MTMR3: variants seen among roughly 807,000 people sequenced by gnomAD.
MTMR3 encodes phosphatidylinositol-3,5-bisphosphate 3-phosphatase MTMR3.
MTMR3 carries 32 observed loss-of-function variants against 132.4 expected under a neutral mutation model. The ratio of observed to expected loss-of-function variants is 0.24; its 90% CI spans 0.18 to 0.32. The LOEUF is 0.32. MTMR3 is among the 10% of genes least tolerant of loss of function. The pLI, the probability that MTMR3 is intolerant of heterozygous loss-of-function variation, is 1.00. For synonymous variants in MTMR3, 556 were observed against 550.3 expected, an observed-to-expected ratio of 1.01 and a Z score of -0.14; for missense variants, 1,216 against 1,489.6, an observed-to-expected ratio of 0.82 and a Z score of 3.02.
intron 1 of MTMR3, among the ~76,000 whole-genome samples, chr22:29,949,160 C>T (rs1248963602): frequency 2.5e-5 from 2 of 78,494 alleles, no homozygotes; most frequent in Non-Finnish European, 5.7e-5. Context: ...CCCCCCCCCC[C>T]GAGGCCCTGT....
rs181384293 is a variant in MTMR3 at position 29,900,324 on chromosome 22, T to G, written c.-138+16965T>G. 5.9e-5 allele frequency among the ~76,000 whole-genome samples: 9 copies of G among 152,306 alleles called. No homozygotes were observed. The South Asian group carries it at 1.9e-3, about 32-fold the overall frequency. On this transcript the variant is annotated intron_variant, in intron 1 of 19. Coordinates refer to ENST00000401950, the MANE Select transcript of MTMR3 (RefSeq NM_021090.4). ...TAGACTTCACTTTTTTTTGTATAAGTGGTATAATACTTAACGTTTCTTTTG... is the reference window on the plus strand; with the variant it reads ...TAGACTTCACTTTTTTTTGTATAAGGGGTATAATACTTAACGTTTCTTTTG...
chr22:29,988,115 T>A (rs2285667), intron 5 of MTMR3: 45,654 of 155,542 alleles, frequency 0.29, 7,869 homozygotes, highest in East Asian at 0.61. Flanking sequence ...CTGTTCTGGC[T>A]CCCTTCAGCT....
intron 1 of MTMR3, among the ~76,000 whole-genome samples, chr22:29,955,431 A>G (rs1311701056): frequency 6.6e-6 from 1 of 152,182 alleles, no homozygotes; most frequent in African/African-American, 2.4e-5. Flanking sequence ...AGATTTACAA[A>G]TCCCTCAACT....
chr22:29,996,913 G>A (rs2067072980), intron 7 of MTMR3: 1 of 151,984 alleles, frequency 6.6e-6, no homozygotes. Flanking sequence ...TTGTGGAGAT[G>A]GGGTTGCCCA....
At position 30,025,894 on chromosome 22, in the gene MTMR3, A is replaced by G; in HGVS notation, c.*93A>G. 7.3e-7 allele frequency: 1 copy of G among 1,374,060 alleles called. No homozygotes were observed. Among genetic ancestry groups the G allele is most frequent in the Non-Finnish European group, 1.0e-6 (1 of 976,194 alleles). 85.1% of individuals were successfully genotyped at this position (1,374,060 alleles called of 1,614,324 possible). A position where few individuals can be genotyped will look rare whatever the true frequency, so the allele number is the denominator to read the frequency against. ...GACCGAGAGGCCCGTGCACTTTGGA[A>G]TGGGAGCGTGGAACCACCTGTACAG... is the stretch of plus-strand genomic sequence containing the variant. On this transcript the variant is annotated 3_prime_UTR_variant, in exon 20 of 20. Coordinates refer to ENST00000401950, the MANE Select transcript of MTMR3 (RefSeq NM_021090.4).
At chr22:29,938,606 G>A (rs1390817238) in intron 1 of MTMR3, among the ~76,000 whole-genome samples, 1 of 152,120 alleles carries the variant, frequency 6.6e-6, no homozygotes, top group Non-Finnish European at 1.5e-5. Context: ...ACTGCTATTT[G>A]GGGACTTCCC....
At position 30,016,630 on chromosome 22, in the gene MTMR3, G is replaced by A. The variant is rs1432111074; in HGVS notation, c.1606G>A (p.Val536Met). The part of the protein sequence containing the change: ...EKHTQERTCS[V>M]WSLLRAGNKA... The stretch of plus-strand genomic sequence containing the variant: ...GCATACTCAGGAACGGACATGTTCC[G>A]TGTGGTCACTTCTTCGGGCAGGCAA... The change falls in exon 15 of 20, where the codon GTG becomes ATG. Residue 536 changes from valine (V) to methionine (M), a missense_variant. Val to Met is a conservative substitution (Grantham distance 21). This residue lies in a region of MTMR3 where 852 missense variants were observed against 852.0 expected (regional missense o/e 1.00). Coordinates refer to ENST00000401950, the MANE Select transcript of MTMR3 (RefSeq NM_021090.4). The A allele has an allele frequency of 2.5e-6, 4 of 1,614,068 alleles. No homozygotes were observed. Among genetic ancestry groups the A allele is most frequent in the Non-Finnish European group, 3.4e-6 (4 of 1,180,036 alleles).
At chr22:29,944,484 C>T (rs903240722) in intron 1 of MTMR3, among the ~76,000 whole-genome samples, 2 of 152,052 alleles carry the variant, frequency 1.3e-5, no homozygotes, top group Admixed American at 6.5e-5. Flanking sequence ...TTTCTTCCTA[C>T]CCCCACAAGA....
At chr22:29,993,191 A>G (rs927062561) in intron 7 of MTMR3, 5 of 152,196 alleles carry the variant, frequency 3.3e-5, no homozygotes, top group African/African-American at 1.2e-4. Context: ...GAGAGACCAC[A>G]CCAACCTTGG....
At chr22:29,966,537 T>A (rs373548630) in intron 2 of MTMR3, among the ~76,000 whole-genome samples, 1 of 152,202 alleles carries the variant, frequency 6.6e-6, no homozygotes, top group Non-Finnish European at 1.5e-5. Flanking sequence ...AGTTGTAAAA[T>A]AGTATTATCA....
At position 29,888,179 on chromosome 22, in the gene MTMR3, G is replaced by A. The variant is rs182923368; in HGVS notation, c.-138+4820G>A. ...TTTTATGTATGTATACTTGGTTGCC[G>A]TGTAAAATGTATTTTTTCTTTTTAA... On this transcript the variant is annotated intron_variant, in intron 1 of 19. Coordinates refer to ENST00000401950, the MANE Select transcript of MTMR3 (RefSeq NM_021090.4). 1.5e-4 allele frequency among the ~76,000 whole-genome samples: 23 copies of A among 152,160 alleles called. No homozygotes were observed. In the East Asian group the frequency reaches 3.1e-3, roughly 20 times the overall value.
chr22:29,899,918 T>TA (rs2064972306), intron 1 of MTMR3, among the ~76,000 whole-genome samples: 1 of 152,216 alleles, frequency 6.6e-6, no homozygotes, highest in African/African-American at 2.4e-5. Context: ...ATACCTCAGT[T>TA]AAAAACTTTT....
intron 1 of MTMR3, among the ~76,000 whole-genome samples, chr22:29,939,517 CA>C (rs1460939723): frequency 3.3e-5 from 5 of 152,178 alleles, no homozygotes; most frequent in African/African-American, 7.2e-5. Flanking sequence ...CTACTTTTAG[CA>C]AAAGCCATAT....
intron 1 of MTMR3, among the ~76,000 whole-genome samples, chr22:29,930,313 A>G (rs889419824): frequency 6.6e-6 from 1 of 152,166 alleles, no homozygotes; most frequent in Non-Finnish European, 1.5e-5. Flanking sequence ...TCATATCTCC[A>G]TCACTATAGG....
At chr22:29,985,763 A>T (rs115295458) in intron 5 of MTMR3, 3 of 152,192 alleles carry the variant, frequency 2.0e-5, no homozygotes, top group African/African-American at 7.2e-5. Context: ...TCTGATTTCA[A>T]TGCATAGAAC....
chr22:29,902,718 A>G (rs1248467128), intron 1 of MTMR3, among the ~76,000 whole-genome samples: 1 of 152,158 alleles, frequency 6.6e-6, no homozygotes, highest in Non-Finnish European at 1.5e-5. Flanking sequence ...TTAGCACTAC[A>G]GAATTCCTTT....
At chr22:29,972,352 G>A (rs187781578) in intron 3 of MTMR3, among the ~76,000 whole-genome samples, 12 of 152,260 alleles carry the variant, frequency 7.9e-5, no homozygotes, top group African/African-American at 2.6e-4. Flanking sequence ...TCCTGGTGCT[G>A]CTGGGTTCTC....
At position 29,896,869 on chromosome 22, in the gene MTMR3, T is replaced by TCACACACACACACACACACACACA. The variant is rs61038012; in HGVS notation, c.-138+13521_-138+13544dup. ...TATAGTACAGAATAACAGGCTTGTC[T>TCACACACACACACACACACACACA]CACACACACACACACACACACACAC... is the stretch of plus-strand genomic sequence containing the variant. On this transcript the variant is annotated intron_variant, in intron 1 of 19. Coordinates refer to ENST00000401950, the MANE Select transcript of MTMR3 (RefSeq NM_021090.4). Among the ~76,000 whole-genome samples the TCACACACACACACACACACACACA allele has an allele frequency of 8.4e-3, 1,164 of 138,154 alleles. 11 individuals carry two copies. Among genetic ancestry groups the TCACACACACACACACACACACACA allele is most frequent in the Middle Eastern group, 0.021 (6 of 280 alleles). The allele number at this position is 138,154 out of a possible 152,430, so 90.6% of individuals were successfully genotyped here. A position where few individuals can be genotyped will look rare whatever the true frequency, so the allele number is the denominator to read the frequency against.
At chr22:29,997,026 C>A (rs539765677) in intron 7 of MTMR3, 1 of 152,140 alleles carries the variant, frequency 6.6e-6, no homozygotes, top group Non-Finnish European at 1.5e-5. Flanking sequence ...TGTGAGGCAC[C>A]GCGTCTGGCC....
Sources: gnomAD v4.1 joint callset for allele counts (sites outside exome capture counted in the v4.1 genomes callset) on GRCh38, gnomAD v4.1.1 for gene constraint, gnomAD v4.1.1 regional missense constraint, MANE v1.5 for transcripts, NCBI Gene and HGNC (gene_info 2026-07-23, HGNC 2026-07-21) for gene names.